The following KIF21A variants were observed in gnomAD, a reference collection of about 807,000 sequenced individuals.
The protein encoded by KIF21A is kinesin-like protein KIF21A.
Under a neutral mutation model 202.9 loss-of-function variants are expected in KIF21A, and 114 were observed. That is an observed-to-expected ratio of 0.56 (90% CI 0.48 to 0.66). The LOEUF is 0.66. KIF21A is among the 30% of genes least tolerant of loss of function. The pLI is 0.00. For synonymous variants in KIF21A, 667 were observed against 670.8 expected, an observed-to-expected ratio of 0.99 and a Z score of 0.09; for missense variants, 1,677 against 1,994.9, an observed-to-expected ratio of 0.84 and a Z score of 3.04.
In KIF21A at chr12:39,353,864, TTCTC is replaced by T. The variant is rs899795084; in HGVS notation, c.1470-1888_1470-1885del. On this transcript the variant is annotated intron_variant, in intron 10 of 37. Coordinates refer to ENST00000361418, the MANE Select transcript of KIF21A (RefSeq NM_001173464.2). ...AGAACATCTCTCTTTCCCCATCTCT[TTCTC>T]TCTCTCTCTTCCCGTTCACTCACCC... Among the ~76,000 whole-genome samples, 24 of 151,908 alleles carry T rather than the reference TTCTC, an allele frequency of 1.6e-4. No homozygotes were observed. The South Asian group carries it at 1.9e-3, about 12-fold the overall frequency.
At position 39,307,612 on chromosome 12, in the gene KIF21A, G is replaced by A. The variant is rs1228401149; in HGVS notation, c.4395C>T (p.Phe1465=). Residue 1465 remains phenylalanine (F), a synonymous_variant, in exon 34 of 38, where the codon TTC becomes TTT. Coordinates refer to ENST00000361418, the MANE Select transcript of KIF21A (RefSeq NM_001173464.2). The part of the protein sequence containing the change: ...NQIALNPTGT[F]LYAASGNAVR... ...CAGCATTTCCAGAAGCAGCATAGAGGAAGGTGCCAGTTGGGTTTAGGGCAA... is the reference window on the plus strand; with the variant it reads ...CAGCATTTCCAGAAGCAGCATAGAGAAAGGTGCCAGTTGGGTTTAGGGCAA... 6.2e-7 allele frequency: 1 copy of A among 1,614,118 alleles called. No individual in the cohort carries two copies. The highest frequency in any genetic ancestry group is 1.7e-5 in the Admixed American group (1 of 60,022).
chr12:39,329,853 A>C (rs1422743356), intron 24 of KIF21A, among the ~76,000 whole-genome samples: 1 of 152,198 alleles, frequency 6.6e-6, no homozygotes. Flanking sequence ...AGATATATAC[A>C]GAAGAAAGTT....
intron 10 of KIF21A, among the ~76,000 whole-genome samples, chr12:39,354,460 T>A (rs1592296474): frequency 6.6e-6 from 1 of 152,276 alleles, no homozygotes; most frequent in Non-Finnish European, 1.5e-5. Context: ...TAATTTTCTC[T>A]TACATTTTCC....
chr12:39,412,497 G>C (rs1442835931), intron 1 of KIF21A, among the ~76,000 whole-genome samples: 1 of 152,044 alleles, frequency 6.6e-6, no homozygotes, highest in African/African-American at 2.4e-5. Flanking sequence ...TGGGCAGATC[G>C]CTCGAGCTCA....
chr12:39,365,741 G>T (rs1949553993), intron 6 of KIF21A, among the ~76,000 whole-genome samples: 1 of 152,248 alleles, frequency 6.6e-6, no homozygotes, highest in Non-Finnish European at 1.5e-5. Context: ...CAAGCGCAGT[G>T]GCTCGCGCCT....
At chr12:39,384,537 C>T (rs1950819082) in intron 1 of KIF21A, among the ~76,000 whole-genome samples, 1 of 152,184 alleles carries the variant, frequency 6.6e-6, no homozygotes, top group Admixed American at 6.5e-5. Flanking sequence ...TTGGCAGCCA[C>T]ATCCATGAAG....
At chr12:39,433,851 A>G (rs1938304339) in intron 1 of KIF21A, among the ~76,000 whole-genome samples, 1 of 152,220 alleles carries the variant, frequency 6.6e-6, no homozygotes, top group African/African-American at 2.4e-5. Flanking sequence ...AGGATCTTGG[A>G]AGTATTTATA....
chr12:39,416,715 G>GTACATATATATGTGTATA (rs1953701442), intron 1 of KIF21A, among the ~76,000 whole-genome samples: 3 of 74,318 alleles, frequency 4.0e-5, no homozygotes, highest in African/African-American at 1.5e-4. Context: ...ATATATGTGT[G>GTACATATATATGTGTATA]TATATATGTA....
At chr12:39,322,915 A>G (rs572771160) in intron 26 of KIF21A, 33 bp from the exon 27 acceptor site, 70 of 1,532,448 alleles carry the variant, frequency 4.6e-5, no homozygotes, top group Non-Finnish European at 6.3e-5. Flanking sequence ...AGCAATCAGG[A>G]GCAAACTCTT....
Position 39,370,066 on chromosome 12 carries a change from G to A in KIF21A, c.240C>T (p.Tyr80=). ...GTCCATAAGCAAAAACTGTAGCATT[G>A]TATCCTTCAAAGCAACCTTCAATTA... ...EKLIEGCFEG[Y]NATVFAYGQT... is the part of the protein sequence containing the mutation. Residue 80 remains tyrosine, a synonymous_variant, in exon 2 of 38, where the codon TAC becomes TAT. Coordinates refer to ENST00000361418, the MANE Select transcript of KIF21A (RefSeq NM_001173464.2). 6.2e-7 allele frequency: 1 copy of A among 1,613,506 alleles called. No individual in the cohort carries two copies. The highest frequency in any genetic ancestry group is 8.5e-7 in the Non-Finnish European group (1 of 1,179,588).
chr12:39,436,481 C>T (rs1383897921), intron 1 of KIF21A, among the ~76,000 whole-genome samples: 11 of 118,444 alleles, frequency 9.3e-5, no homozygotes, highest in Admixed American at 4.4e-4. Flanking sequence ...TTTCATGTTA[C>T]CCAGGCTGGA....
chr12:39,372,164 G>T (rs972234549), intron 1 of KIF21A, among the ~76,000 whole-genome samples: 2 of 152,044 alleles, frequency 1.3e-5, no homozygotes, highest in Non-Finnish European at 2.9e-5. Flanking sequence ...AAAATAAAAG[G>T]TTAACAGGAA....
intron 1 of KIF21A, among the ~76,000 whole-genome samples, chr12:39,387,202 AC>A (rs1366860943): frequency 1.1e-4 from 17 of 150,394 alleles, no homozygotes; most frequent in Non-Finnish European, 1.8e-4. Context: ...ACACACACAC[AC>A]AAGCTTGGAC....
rs74625489 is a variant in KIF21A at position 39,360,958 on chromosome 12, T to C, written c.1019+2140A>G. On this transcript the variant is annotated intron_variant, in intron 7 of 37. Transcript: ENST00000361418. ...AAGGCTTACACAAAGTACAGTGCTT[T>C]TGCACTAGGAATGCAATCCTAAAAT... 3.9e-5 allele frequency among the ~76,000 whole-genome samples: 6 copies of C among 152,348 alleles called. No homozygotes were observed. In the East Asian group the frequency reaches 1.2e-3, roughly 29 times the overall value.
Position 39,409,894 on chromosome 12 carries a change from C to T in KIF21A, c.44+33033G>A, listed in dbSNP as rs189798266. Among the ~76,000 whole-genome samples, 24 of 151,282 alleles carry T rather than the reference C, an allele frequency of 1.6e-4. No individual in the cohort carries two copies. In the East Asian group the frequency reaches 2.7e-3, roughly 17 times the overall value. The stretch of plus-strand genomic sequence containing the variant: ...TTGCCTAGGCTGGAGTGCAATGGCG[C>T]GATCTTGGCTCACTGCAACCTTCGC... On this transcript the variant is annotated intron_variant, in intron 1 of 37. Coordinates refer to ENST00000361418, the MANE Select transcript of KIF21A (RefSeq NM_001173464.2).
chr12:39,436,448 A>ATATATATATATATATATATATATATTT (rs1387332677), intron 1 of KIF21A, among the ~76,000 whole-genome samples: 1 of 95,764 alleles, frequency 1.0e-5, no homozygotes, highest in Non-Finnish European at 2.0e-5. Flanking sequence ...ATATATATAT[A>ATATATATATATATATATATATATATTT]TTTTTTTTTT....
intron 1 of KIF21A, among the ~76,000 whole-genome samples, chr12:39,395,019 T>G (rs1951631987): frequency 6.6e-6 from 1 of 152,100 alleles, no homozygotes; most frequent in South Asian, 2.1e-4. Flanking sequence ...GTGTAAAATC[T>G]CTCAAACCAT....
At chr12:39,425,424 T>G (rs1259821991) in intron 1 of KIF21A, among the ~76,000 whole-genome samples, 1 of 152,140 alleles carries the variant, frequency 6.6e-6, no homozygotes, top group East Asian at 1.9e-4. Flanking sequence ...AATTATATTT[T>G]TCACCTCTGA....
At chr12:39,422,667 T>G (rs1954399831) in intron 1 of KIF21A, among the ~76,000 whole-genome samples, 1 of 152,198 alleles carries the variant, frequency 6.6e-6, no homozygotes, top group Non-Finnish European at 1.5e-5. Flanking sequence ...ATCTAAGGCC[T>G]TCAAGTTGTT....
Sources: gnomAD v4.1 joint callset for allele counts (sites outside exome capture counted in the v4.1 genomes callset) on GRCh38, gnomAD v4.1.1 for gene constraint, MANE v1.5 for transcripts, NCBI Gene and HGNC (gene_info 2026-07-23, HGNC 2026-07-21) for gene names.